ZCCHC14: variants seen among roughly 807,000 people sequenced by gnomAD.
ZCCHC14 encodes zinc finger CCHC-type containing 14.
ZCCHC14 carries 16 observed loss-of-function variants against 85.0 expected under a neutral mutation model. That is an observed-to-expected ratio of 0.19 (90% confidence interval 0.13 to 0.29). The LOEUF is 0.29. Ranked by LOEUF, ZCCHC14 falls within the 10% of genes least tolerant of loss-of-function variation. ZCCHC14 has a pLI of 1.00. For missense variants in ZCCHC14, 1,303 were observed against 1,443.5 expected, an observed-to-expected ratio of 0.90 and a Z score of 1.58; for synonymous variants, 775 against 630.7, an observed-to-expected ratio of 1.23 and a Z score of -3.43.
rs148252841 is a variant in ZCCHC14, at chr16:87,461,994, G to A, written c.571-1863C>T. ...GTAACTCGAGAAAATAAGGCCGGGCGCAGCAGCTCATGGCTATAATCCCAG... is the reference window on the plus strand; with the variant it reads ...GTAACTCGAGAAAATAAGGCCGGGCACAGCAGCTCATGGCTATAATCCCAG... On this transcript the variant is annotated intron_variant, in intron 1 of 12. Coordinates refer to ENST00000671377, the MANE Select transcript of ZCCHC14 (RefSeq NM_015144.3). 4.1e-3 allele frequency among the ~76,000 whole-genome samples: 629 copies of A among 152,212 alleles called. 18 individuals are homozygous for A. The highest frequency in any genetic ancestry group is 0.039 in the Admixed American group (597 of 15,274).
At chr16:87,481,965 G>T (rs1912300791) in intron 1 of ZCCHC14, among the ~76,000 whole-genome samples, 1 of 152,192 alleles carries the variant, frequency 6.6e-6, no homozygotes. Context: ...AAGGGGAAAG[G>T]GCGAGAGAGC....
chr16:87,487,144 T>C (rs1912545745), intron 1 of ZCCHC14, among the ~76,000 whole-genome samples: 1 of 152,226 alleles, frequency 6.6e-6, no homozygotes, highest in Non-Finnish European at 1.5e-5. Flanking sequence ...TCACGGTATT[T>C]GTGTCTATCT....
chr16:87,419,849 A>T lies in ZCCHC14; in HGVS notation c.979T>A (p.Leu327Met). The change falls in exon 6 of 13, where the codon TTG becomes ATG. Residue 327 changes from leucine to methionine, a missense_variant. Coordinates refer to ENST00000671377, the MANE Select transcript of ZCCHC14 (RefSeq NM_015144.3). ...AACCTCCTGACATGGTCATTTTTCA[A>T]CACGTGAGAAGGTAATGAGGCCAGG... ...RYLASLPSHV[L>M]KNDHVRRFLS... The T allele has an allele frequency of 6.2e-7, 1 of 1,612,788 alleles. No homozygotes were observed. The highest frequency in any genetic ancestry group is 8.5e-7 in the Non-Finnish European group (1 of 1,179,456).
chr16:87,475,624 G>A (rs1597450089), intron 1 of ZCCHC14, among the ~76,000 whole-genome samples: 1 of 150,596 alleles, frequency 6.6e-6, no homozygotes, highest in Admixed American at 6.6e-5. Context: ...GAAAAATCCT[G>A]TGGACGAGCT....
At chr16:87,417,392 AT>A in intron 8 of ZCCHC14, 67 bp downstream of exon 8, 1 of 1,563,980 alleles carries the variant, frequency 6.4e-7, no homozygotes, top group Non-Finnish European at 8.7e-7. Flanking sequence ...TGGAAACTCA[AT>A]GCCCCCAGGG....
At chr16:87,482,253 G>A (rs1472734150) in intron 1 of ZCCHC14, among the ~76,000 whole-genome samples, 1 of 152,152 alleles carries the variant, frequency 6.6e-6, no homozygotes, top group African/African-American at 2.4e-5. Flanking sequence ...TAGGTTTTTT[G>A]GACTCATCAG....
intron 1 of ZCCHC14, among the ~76,000 whole-genome samples, chr16:87,477,142 C>CAAAAAAAAAAAA (rs1567542354): frequency 2.5e-5 from 2 of 78,604 alleles, no homozygotes; most frequent in African/African-American, 6.7e-5. Context: ...AAAAAAAAAA[C>CAAAAAAAAAAAA]AAAACAAAAC....
chr16:87,423,812 T>G lies in ZCCHC14; in HGVS notation c.838A>C (p.Lys280Gln). The G allele has an allele frequency of 6.2e-7, 1 of 1,614,068 alleles. No homozygotes were observed. Among genetic ancestry groups the G allele is most frequent in the Non-Finnish European group, 8.5e-7 (1 of 1,179,954 alleles). ...SSSEVTEFIS[K>Q]LCQLYPEENL... is the part of the protein sequence containing the mutation. ...ATAAGAGCCCTTGATTACCTTACCT[T>G]TGAAATAAATTCCGTCACTTCAGAG... is the stretch of plus-strand genomic sequence containing the variant. The change falls in exon 4 of 13, where the codon AAG becomes CAG. Residue 280 changes from lysine (K) to glutamine (Q), a missense_variant and splice_region_variant. Physicochemically the swap from Lys to Gln is moderately conservative, Grantham distance 53. Coordinates refer to ENST00000671377, the MANE Select transcript of ZCCHC14 (RefSeq NM_015144.3).
At position 87,420,771 on chromosome 16, in the gene ZCCHC14, G is replaced by T; in HGVS notation, c.841-55C>A. On this transcript the variant is annotated intron_variant, in intron 4 of 12. Transcript: ENST00000671377. The surrounding 1 kb of genome is among the most constrained non-coding windows in gnomAD (Gnocchi z 5.0). ...TGTCCAGACCCATCCAACACCAGCA[G>T]AATTCTGCTACTGCAGGAAAACCTG... The T allele has an allele frequency of 6.8e-7, 1 of 1,465,538 alleles. No homozygotes were observed. Among genetic ancestry groups the T allele is most frequent in the Non-Finnish European group, 9.3e-7 (1 of 1,077,766 alleles). 90.8% of individuals were successfully genotyped at this position (1,465,538 alleles called of 1,614,324 possible). A position where few individuals can be genotyped will look rare whatever the true frequency, so the allele number is the denominator to read the frequency against.
At chr16:87,480,910 T>C (rs986450764) in intron 1 of ZCCHC14, among the ~76,000 whole-genome samples, 2 of 151,564 alleles carry the variant, frequency 1.3e-5, no homozygotes, top group Non-Finnish European at 2.9e-5. Flanking sequence ...GCACAGTGAG[T>C]AGGAGGAACT....
At chr16:87,438,103 A>G (rs1480019953) in intron 2 of ZCCHC14, among the ~76,000 whole-genome samples, 1 of 152,256 alleles carries the variant, frequency 6.6e-6, no homozygotes, top group East Asian at 1.9e-4. Flanking sequence ...ACCCACCCAC[A>G]AAGCGGGTAC....
intron 2 of ZCCHC14, among the ~76,000 whole-genome samples, chr16:87,437,675 G>C (rs987969842): frequency 1.3e-5 from 2 of 152,232 alleles, no homozygotes; most frequent in Admixed American, 1.3e-4. Context: ...CCTTTGAAAT[G>C]TTTGTCTGTT....
At chr16:87,416,485 C>T (rs1260282266) in intron 8 of ZCCHC14, among the ~76,000 whole-genome samples, 3 of 151,940 alleles carry the variant, frequency 2.0e-5, no homozygotes, top group African/African-American at 4.8e-5. Flanking sequence ...TGGCCAGGCG[C>T]GGTGGCTCAT....
rs551285359 is a variant in ZCCHC14 at position 87,492,917 on chromosome 16, GCGGCGACGGCGACGGCGACGGCGA to G, written c.-703_-680del. ...GGATCCGGGCCCGAGCGCGGCGGCG[GCGGCGACGGCGACGGCGACGGCGA>G]CGGCGACGGCGGAGGAGGCGCCGGC... On this transcript the variant is annotated 5_prime_UTR_variant, in exon 1 of 13. Coordinates refer to ENST00000671377, the MANE Select transcript of ZCCHC14 (RefSeq NM_015144.3). The surrounding 1 kb of genome is among the most constrained non-coding windows in gnomAD (Gnocchi z 6.7). Among the ~76,000 whole-genome samples, 43 of 145,324 alleles carry G rather than the reference GCGGCGACGGCGACGGCGACGGCGA, an allele frequency of 3.0e-4. 1 individual carries two copies. Among genetic ancestry groups the G allele is most frequent in the Admixed American group, 8.0e-4 (11 of 13,690 alleles).
At chr16:87,438,107 C>T (rs1021316168) in intron 2 of ZCCHC14, among the ~76,000 whole-genome samples, 3 of 152,240 alleles carry the variant, frequency 2.0e-5, no homozygotes, top group African/African-American at 7.2e-5. Flanking sequence ...ACCCACAAAG[C>T]GGGTACAGTA....
At chr16:87,426,413 G>A (rs904152110) in intron 3 of ZCCHC14, among the ~76,000 whole-genome samples, 3 of 152,232 alleles carry the variant, frequency 2.0e-5, no homozygotes, top group Middle Eastern at 6.8e-3. Flanking sequence ...CTTCTATCAC[G>A]TCCCTGAAAA....
In ZCCHC14 at chr16:87,491,635, G is replaced by T; in HGVS notation, c.570+34C>A. 1 of 1,373,836 alleles carries T rather than the reference G, an allele frequency of 7.3e-7. No individual in the cohort carries two copies. Among genetic ancestry groups the T allele is most frequent in the South Asian group, 1.7e-5 (1 of 57,710 alleles). 85.1% of individuals were successfully genotyped at this position (1,373,836 alleles called of 1,614,324 possible). A position where few individuals can be genotyped will look rare whatever the true frequency, so the allele number is the denominator to read the frequency against. ...AGTGCAGAGTTGGGGATGCAGACTT[G>T]GGGTACAGGGCAGAGCTCGGGGCGG... On this transcript the variant is annotated intron_variant, in intron 1 of 12. Coordinates refer to ENST00000671377, the MANE Select transcript of ZCCHC14 (RefSeq NM_015144.3). This position sits in a 1 kb window ranked among gnomAD's most constrained non-coding sequence, Gnocchi z 5.9.
chr16:87,449,856 C>G (rs150549299), intron 2 of ZCCHC14, among the ~76,000 whole-genome samples: 339 of 152,238 alleles, frequency 2.2e-3, no homozygotes, highest in African/African-American at 7.8e-3. Context: ...ACCAGCCTGG[C>G]CAACATGGCA....
At chr16:87,416,580 C>G (rs961819286) in intron 8 of ZCCHC14, among the ~76,000 whole-genome samples, 2 of 151,912 alleles carry the variant, frequency 1.3e-5, no homozygotes, top group African/African-American at 4.8e-5. Context: ...CATAGGGAAA[C>G]CCTGATTCTA....
Sources: allele counts gnomAD v4.1 joint callset (sites outside exome capture counted in the v4.1 genomes callset), GRCh38; gene constraint gnomAD v4.1.1; non-coding constraint Gnocchi (gnomAD v3.1); transcripts MANE v1.5; gene names NCBI Gene and HGNC (gene_info 2026-07-23, HGNC 2026-07-21).